Variants in TRIM37 observed in about 807,000 individuals in gnomAD.
The protein encoded by TRIM37 is tripartite motif containing 37.
In TRIM37, 80 loss-of-function variants were observed where a neutral mutation model predicts 129.8. The ratio of observed to expected loss-of-function variants is 0.62; its 90% CI spans 0.51 to 0.74. TRIM37 has a LOEUF of 0.74. Among genes scored for constraint, TRIM37 ranks in the 30% least tolerant of loss-of-function variants. TRIM37 has a pLI of 0.00. For missense variants in TRIM37, 1,054 were observed against 1,176.5 expected (o/e 0.90, Z 1.52); for synonymous variants, 389 against 387.1 (o/e 1.00, Z -0.06).
chr17:59,085,500 T>C (rs1297122133), intron 4 of TRIM37, among the ~76,000 whole-genome samples: 1 of 152,114 alleles, frequency 6.6e-6, no homozygotes, highest in Non-Finnish European at 1.5e-5. Flanking sequence ...CCTAACCTCA[T>C]ACCATATTAG....
At chr17:59,079,989 G>C (rs2043130509) in intron 6 of TRIM37, 112 bp from the exon 7 acceptor site, 1 of 1,266,506 alleles carries the variant, frequency 7.9e-7, no homozygotes, top group Admixed American at 2.1e-5. Flanking sequence ...TTAGAGGAAG[G>C]TCAAATGGAA....
chr17:58,995,546 CATATATAG>C (rs751822635), downstream of TRIM37, among the ~76,000 whole-genome samples: 1 of 152,040 alleles, frequency 6.6e-6, no homozygotes, highest in Admixed American at 6.6e-5. Flanking sequence ...AAATATCCAT[CATATATAG>C]ATATATAAAG....
chr17:59,036,400 C>T (rs1274596112), intron 17 of TRIM37, among the ~76,000 whole-genome samples: 2 of 151,898 alleles, frequency 1.3e-5, no homozygotes, highest in African/African-American at 2.4e-5. Flanking sequence ...AGATTATTGG[C>T]TCATTGAATC....
intron 18 of TRIM37, 77 bp downstream of exon 18, chr17:59,031,818 GA>G (rs1253660723): frequency 6.9e-7 from 1 of 1,444,152 alleles, no homozygotes; most frequent in East Asian, 2.3e-5. Context: ...ACACATAGCT[GA>G]AATACTTAAA....
Position 59,106,781 on chromosome 17 carries a change from T to A in TRIM37, c.-320A>T, listed in dbSNP as rs917209839. ...CCCACGTGACGCGGGCGCGCGCCTATGGAACTGACGGTGGAGTTCAGCGAA... is the reference window on the plus strand; with the variant it reads ...CCCACGTGACGCGGGCGCGCGCCTAAGGAACTGACGGTGGAGTTCAGCGAA... On this transcript the variant is annotated 5_prime_UTR_variant, in exon 1 of 24. Coordinates refer to ENST00000262294, the MANE Select transcript of TRIM37 (RefSeq NM_015294.6). 9.2e-6 allele frequency: 5 copies of A among 545,852 alleles called. No individual in the cohort carries two copies. The highest frequency in any genetic ancestry group is 3.2e-5 in the East Asian group (1 of 31,370). 33.8% of individuals were successfully genotyped at this position (545,852 alleles called of 1,614,324 possible).
chr17:58,997,738 A>T (rs769259910), downstream of TRIM37, among the ~76,000 whole-genome samples: 5 of 152,206 alleles, frequency 3.3e-5, no homozygotes, highest in South Asian at 4.1e-4. Context: ...AAATAAAAAA[A>T]CATGCTGAGG....
chr17:59,088,184 AACAC>A, intron 4 of TRIM37, 103 bp downstream of exon 4: 1 of 726,518 alleles, frequency 1.4e-6, no homozygotes, highest in East Asian at 2.6e-5. Context: ...CAAGAAATAT[AACAC>A]TACTTATTCA....
At chr17:59,075,512 C>T (rs559200587) in intron 8 of TRIM37, 135 bp downstream of exon 8, 25 of 616,050 alleles carry the variant, frequency 4.1e-5, no homozygotes, top group Admixed American at 2.8e-4. Context: ...TACAGTGAGC[C>T]GAGATCGCGC....
chr17:59,099,915 T>G (rs912981997), intron 2 of TRIM37, among the ~76,000 whole-genome samples: 3 of 152,234 alleles, frequency 2.0e-5, no homozygotes, highest in Non-Finnish European at 4.4e-5. Context: ...GTGATTCTCC[T>G]GCCTCAGGCT....
intron 22 of TRIM37, among the ~76,000 whole-genome samples, chr17:59,011,771 T>G (rs888716178): frequency 6.6e-6 from 1 of 152,170 alleles, no homozygotes; most frequent in African/African-American, 2.4e-5. Flanking sequence ...ATTTAAAAAA[T>G]GGTCAAAACT....
At chr17:59,015,026 G>C (rs947774574) in intron 21 of TRIM37, among the ~76,000 whole-genome samples, 2 of 148,080 alleles carry the variant, frequency 1.4e-5, no homozygotes, top group African/African-American at 2.5e-5. Flanking sequence ...GCAGTGAGCT[G>C]AGATCATGCC....
chr17:59,034,438 G>C (rs544164029), intron 17 of TRIM37, among the ~76,000 whole-genome samples: 1 of 151,016 alleles, frequency 6.6e-6, no homozygotes, highest in South Asian at 2.1e-4. Context: ...TTTTTGAGAC[G>C]GAGTCTTGCC....
chr17:59,082,976 G>A (rs925623448), intron 5 of TRIM37, among the ~76,000 whole-genome samples: 2 of 152,078 alleles, frequency 1.3e-5, no homozygotes, highest in Non-Finnish European at 2.9e-5. Context: ...CACTCTCTCC[G>A]TAAAACATAC....
intron 3 of TRIM37, 34 bp downstream of exon 3, chr17:59,091,266 C>A (rs2044274861): frequency 6.4e-7 from 1 of 1,569,116 alleles, no homozygotes; most frequent in South Asian, 1.1e-5. Flanking sequence ...TTACTATTTT[C>A]AAAATTCACA....
chr17:59,066,690 T>A (rs984701021), intron 9 of TRIM37, among the ~76,000 whole-genome samples: 2 of 152,182 alleles, frequency 1.3e-5, no homozygotes, highest in Non-Finnish European at 2.9e-5. Context: ...CTTTTACATA[T>A]GTACATTCTC....
At chr17:59,071,658 C>A (rs1463607346) in intron 8 of TRIM37, among the ~76,000 whole-genome samples, 1 of 152,092 alleles carries the variant, frequency 6.6e-6, no homozygotes, top group Admixed American at 6.6e-5. Context: ...CACACATACA[C>A]CCGTGTGTAC....
intron 7 of TRIM37, among the ~76,000 whole-genome samples, chr17:59,077,861 C>T (rs1448705411): frequency 6.8e-6 from 1 of 146,480 alleles, no homozygotes; most frequent in Non-Finnish European, 1.5e-5. Context: ...TGGTGGCTCA[C>T]GCCTGTTATC....
intron 9 of TRIM37, among the ~76,000 whole-genome samples, chr17:59,064,656 C>G (rs1857401843): frequency 1.3e-5 from 2 of 152,154 alleles, no homozygotes; most frequent in Admixed American, 1.3e-4. Flanking sequence ...CCCCTATAAT[C>G]CCAGCACTCT....
intron 16 of TRIM37, among the ~76,000 whole-genome samples, chr17:59,046,624 C>T (rs1317965280): frequency 6.6e-6 from 1 of 151,564 alleles, no homozygotes; most frequent in African/African-American, 2.4e-5. Flanking sequence ...GCAAGCTCCG[C>T]CTCCCGGGTT....
Sources: gnomAD v4.1 joint callset for allele counts (sites outside exome capture counted in the v4.1 genomes callset) on GRCh38, gnomAD v4.1.1 for gene constraint, MANE v1.5 for transcripts, NCBI Gene and HGNC (gene_info 2026-07-23, HGNC 2026-07-21) for gene names.